The following NTM variants were observed in gnomAD, a reference collection of about 807,000 sequenced individuals.
The protein encoded by NTM is neurotrimin.
Under a neutral mutation model 42.1 loss-of-function variants are expected in NTM, and 13 were observed. The observed-to-expected ratio is 0.31, with a 90% CI of 0.20 to 0.49. The LOEUF (loss-of-function observed/expected upper bound fraction) is 0.49, where lower values mean the gene tolerates loss of function less well. Ranked by LOEUF, NTM falls within the 20% of genes least tolerant of loss-of-function variation. NTM has a pLI of 0.99. For synonymous variants in NTM, 187 were observed against 179.2 expected, an observed-to-expected ratio of 1.04 and a Z score of -0.35; for missense variants, 373 against 452.8, an observed-to-expected ratio of 0.82 and a Z score of 1.60.
chr11:131,719,533 T>C (rs1244004937), intron 1 of NTM, among the ~76,000 whole-genome samples: 1 of 152,194 alleles, frequency 6.6e-6, no homozygotes, highest in African/African-American at 2.4e-5. Context: ...GCAGGCTTAC[T>C]GTGGTAGAGG....
intron 3 of NTM, among the ~76,000 whole-genome samples, chr11:132,187,274 C>T (rs2078583671): frequency 6.6e-6 from 1 of 151,162 alleles, no homozygotes; most frequent in South Asian, 2.1e-4. Flanking sequence ...GGATTGAATG[C>T]CCTGAAAAAA....
intron 1 of NTM, among the ~76,000 whole-genome samples, chr11:131,629,372 G>A (rs1042248928): frequency 3.3e-5 from 5 of 152,182 alleles, no homozygotes; most frequent in Non-Finnish European, 4.4e-5. Flanking sequence ...AAGCTGTCCT[G>A]TACCCACCCA....
chr11:131,802,666 G>A (rs1203685214), intron 1 of NTM, among the ~76,000 whole-genome samples: 5 of 152,238 alleles, frequency 3.3e-5, no homozygotes, highest in African/African-American at 1.2e-4. Context: ...TGGTCGGTAT[G>A]TGTGGGGAGT....
At chr11:131,375,459 G>A (rs1016305747) in intron 1 of NTM, among the ~76,000 whole-genome samples, 1 of 152,212 alleles carries the variant, frequency 6.6e-6, no homozygotes, top group Non-Finnish European at 1.5e-5. Flanking sequence ...AGTTTGGAAG[G>A]GTCAAAGGGT....
At chr11:131,885,481 T>C (rs2050236572) in intron 1 of NTM, among the ~76,000 whole-genome samples, 1 of 152,064 alleles carries the variant, frequency 6.6e-6, no homozygotes, top group Non-Finnish European at 1.5e-5. Context: ...AACGTCTTCA[T>C]TATGAAATTA....
At position 131,611,848 on chromosome 11, in the gene NTM, C is replaced by T. The variant is rs118044286; in HGVS notation, c.82+240960C>T. Among the ~76,000 whole-genome samples, 343 of 152,248 alleles carry T rather than the reference C, an allele frequency of 2.3e-3. 1 individual carries two copies. Among genetic ancestry groups the T allele is most frequent in the Admixed American group, 3.5e-3 (54 of 15,300 alleles). On this transcript the variant is annotated intron_variant, in intron 1 of 8. Coordinates refer to ENST00000683400, the MANE Select transcript of NTM (RefSeq NM_001352005.2). ...GGTGATTTACTTACATATCTGTGTTCGTGAACACATGTTTCTGAAGATGGT... is the reference window on the plus strand; with the variant it reads ...GGTGATTTACTTACATATCTGTGTTTGTGAACACATGTTTCTGAAGATGGT...
chr11:131,516,497 C>T (rs1298321419), intron 1 of NTM, among the ~76,000 whole-genome samples: 2 of 152,182 alleles, frequency 1.3e-5, no homozygotes, highest in Non-Finnish European at 2.9e-5. Context: ...CCTGCCTCAG[C>T]CTCCCAAGTA....
At chr11:131,597,463 C>T (rs2059910505) in intron 1 of NTM, among the ~76,000 whole-genome samples, 1 of 152,184 alleles carries the variant, frequency 6.6e-6, no homozygotes, top group Admixed American at 6.5e-5. Context: ...ATTCCAGCTT[C>T]CCACCTCCCC....
intron 1 of NTM, among the ~76,000 whole-genome samples, chr11:131,372,241 G>A (rs371922834): frequency 6.6e-6 from 1 of 152,076 alleles, no homozygotes; most frequent in Middle Eastern, 3.4e-3. Context: ...GGACAGGAGG[G>A]ATCTGTGTCG....
intron 1 of NTM, among the ~76,000 whole-genome samples, chr11:131,666,499 G>GGCCTACCCCATTGGAGCCAT (rs1408235818): frequency 6.6e-6 from 1 of 152,098 alleles, no homozygotes; most frequent in Non-Finnish European, 1.5e-5. Flanking sequence ...CCCCCAGCCT[G>GGCCTACCCCATTGGAGCCAT]GCCTACCCCA....
intron 1 of NTM, among the ~76,000 whole-genome samples, chr11:131,555,772 T>G (rs73580251): frequency 0.026 from 3,900 of 152,188 alleles, 175 homozygotes; most frequent in African/African-American, 0.087. Flanking sequence ...TCTAGGAGGA[T>G]GACAACCCCG....
At chr11:131,815,627 T>A (rs140494259) in intron 1 of NTM, among the ~76,000 whole-genome samples, 1 of 152,014 alleles carries the variant, frequency 6.6e-6, no homozygotes, top group East Asian at 1.9e-4. Flanking sequence ...CAACCCCCAC[T>A]TCCCCCCTCC....
chr11:131,642,850 C>G (rs758053516), intron 1 of NTM, among the ~76,000 whole-genome samples: 1 of 152,084 alleles, frequency 6.6e-6, no homozygotes, highest in African/African-American at 2.4e-5. Flanking sequence ...TCCTCAGTCC[C>G]CCTCTGCTAC....
intron 2 of NTM, among the ~76,000 whole-genome samples, chr11:132,060,221 T>C (rs2080425770): frequency 6.6e-6 from 1 of 152,236 alleles, no homozygotes; most frequent in African/African-American, 2.4e-5. Context: ...CTGGGCTTCG[T>C]TCTAGATTCT....
intron 2 of NTM, among the ~76,000 whole-genome samples, chr11:132,123,478 T>A (rs1421380800): frequency 6.6e-6 from 1 of 152,140 alleles, no homozygotes; most frequent in Non-Finnish European, 1.5e-5. Flanking sequence ...GTCTGTGTGG[T>A]CCATTGCATA....
intron 1 of NTM, among the ~76,000 whole-genome samples, chr11:131,610,881 T>C (rs1424291625): frequency 6.6e-6 from 1 of 152,116 alleles, no homozygotes; most frequent in Non-Finnish European, 1.5e-5. Flanking sequence ...AGTGGAGAAA[T>C]GCTGAAAGGA....
chr11:131,673,579 A>T (rs1042001742), intron 1 of NTM, among the ~76,000 whole-genome samples: 1 of 152,174 alleles, frequency 6.6e-6, no homozygotes, highest in Non-Finnish European at 1.5e-5. Flanking sequence ...CAGTGACGTG[A>T]TACAGTTAGC....
chr11:132,237,555 G>A (rs1204332915), intron 4 of NTM, among the ~76,000 whole-genome samples: 4 of 152,178 alleles, frequency 2.6e-5, no homozygotes. Context: ...CAGCCCGTTT[G>A]TGGACATTCT....
chr11:132,111,166 C>T (rs892253317), intron 2 of NTM, among the ~76,000 whole-genome samples: 3 of 141,438 alleles, frequency 2.1e-5, no homozygotes, highest in Admixed American at 1.5e-4. Flanking sequence ...TAAAACAGAA[C>T]GGGCTAGTCT....
Sources: allele counts gnomAD v4.1 joint callset (sites outside exome capture counted in the v4.1 genomes callset), GRCh38; gene constraint gnomAD v4.1.1; transcripts MANE v1.5; gene names NCBI Gene and HGNC (gene_info 2026-07-23, HGNC 2026-07-21).